The following RFX4 variants were observed in gnomAD, a reference collection of about 807,000 sequenced individuals.
The protein encoded by RFX4 is regulatory factor X4, also known as transcription factor RFX4.
A neutral mutation model predicts 95.0 loss-of-function variants in RFX4; 10 were observed. The observed-to-expected ratio is 0.11, with a 90% confidence interval of 0.06 to 0.18. The LOEUF is 0.18. Ranked by LOEUF, RFX4 falls within the 10% of genes least tolerant of loss-of-function variation. The pLI is 1.00. For missense variants in RFX4, 640 were observed against 922.0 expected, an observed-to-expected ratio of 0.69 and a Z score of 3.96; for synonymous variants, 321 against 340.7, an observed-to-expected ratio of 0.94 and a Z score of 0.64.
chr12:106,753,314 G>A (rs755189899), intron 17 of RFX4, among the ~76,000 whole-genome samples: 26 of 152,116 alleles, frequency 1.7e-4, no homozygotes, highest in Non-Finnish European at 3.2e-4. Flanking sequence ...CAGTCTCTTC[G>A]GCTGGGCATT....
chr12:106,602,957 CAAAA>C (rs1420606762), intron 1 of RFX4, among the ~76,000 whole-genome samples: 2 of 152,014 alleles, frequency 1.3e-5, no homozygotes, highest in Non-Finnish European at 2.9e-5. Context: ...ATGGAATAAA[CAAAA>C]AAACCCAAGA....
chr12:106,630,116 C>T lies in RFX4; in HGVS notation c.131-9216C>T, dbSNP rs561352941. Among the ~76,000 whole-genome samples the T allele has an allele frequency of 2.0e-5, 3 of 152,040 alleles. No individual in the cohort carries two copies. The East Asian group carries it at 5.8e-4, about 29-fold the overall frequency. On this transcript the variant is annotated intron_variant, in intron 2 of 17. Transcript: ENST00000392842. ...TGCATGCCTATTTTTTCTTTTGGTTCTTGGTCTTTTTCCTGCTATTTTTTT... is the reference window on the plus strand; with the variant it reads ...TGCATGCCTATTTTTTCTTTTGGTTTTTGGTCTTTTTCCTGCTATTTTTTT...
At chr12:106,611,544 T>C (rs1295878765) in intron 2 of RFX4, among the ~76,000 whole-genome samples, 2 of 151,460 alleles carry the variant, frequency 1.3e-5, no homozygotes, top group African/African-American at 4.9e-5. Flanking sequence ...AGAGTCTCAC[T>C]CTGTTGCCCA....
intron 13 of RFX4, among the ~76,000 whole-genome samples, chr12:106,725,532 C>T (rs960508546): frequency 6.6e-6 from 1 of 151,200 alleles, no homozygotes; most frequent in Admixed American, 6.6e-5. Context: ...TTAAAGCATG[C>T]TAATGTCTTT....
At chr12:106,595,338 G>T (rs1036402403) in intron 1 of RFX4, among the ~76,000 whole-genome samples, 1 of 152,168 alleles carries the variant, frequency 6.6e-6, no homozygotes, top group African/African-American at 2.4e-5. Flanking sequence ...CTCCTCTACT[G>T]CATAAAGTTC....
chr12:106,650,530 C>T (rs974786399), intron 3 of RFX4, among the ~76,000 whole-genome samples: 47 of 152,056 alleles, frequency 3.1e-4, no homozygotes, highest in African/African-American at 1.1e-3. Context: ...GTCAGGAGTT[C>T]GAGACCAGCC....
At chr12:106,654,190 T>G (rs1403831086) in intron 3 of RFX4, 38 bp from the exon 4 acceptor site, 26 of 1,613,196 alleles carry the variant, frequency 1.6e-5, no homozygotes, top group Non-Finnish European at 2.2e-5. Flanking sequence ...TTGGGGAAGG[T>G]AACACATTTT....
intron 2 of RFX4, among the ~76,000 whole-genome samples, chr12:106,624,964 G>A (rs976585862): frequency 1.3e-5 from 2 of 152,202 alleles, no homozygotes; most frequent in East Asian, 3.8e-4. Context: ...CCCACTGAGA[G>A]GACTGCTTTT....
At chr12:106,651,639 T>A (rs549499054) in intron 3 of RFX4, among the ~76,000 whole-genome samples, 3 of 152,252 alleles carry the variant, frequency 2.0e-5, no homozygotes, top group South Asian at 4.1e-4. Flanking sequence ...AGGACATAGA[T>A]CATGTCTTAT....
intron 6 of RFX4, 85 bp downstream of exon 6, chr12:106,687,182 T>TCA (rs56006444): frequency 0.012 from 6,741 of 545,894 alleles, 32 homozygotes; most frequent in Non-Finnish European, 0.015. Context: ...TCTCTCTCTC[T>TCA]CACACACACA....
chr12:106,749,218 T>C (rs1463939629), intron 16 of RFX4, among the ~76,000 whole-genome samples: 1 of 145,262 alleles, frequency 6.9e-6, no homozygotes, highest in Non-Finnish European at 1.5e-5. Flanking sequence ...ATCGCGCCAC[T>C]GCATTCCAGC....
intron 8 of RFX4, among the ~76,000 whole-genome samples, chr12:106,700,046 G>GA (rs914277618): frequency 1.6e-4 from 24 of 151,850 alleles, no homozygotes; most frequent in African/African-American, 5.3e-4. Context: ...CCCCCTCTGA[G>GA]ACAGGGTCTT....
chr12:106,726,275 A>G (rs929785637), intron 13 of RFX4, among the ~76,000 whole-genome samples: 14 of 151,746 alleles, frequency 9.2e-5, no homozygotes, highest in Non-Finnish European at 2.1e-4. Context: ...AAAAGGAAAA[A>G]AAAAAGAAGA....
intron 17 of RFX4, among the ~76,000 whole-genome samples, chr12:106,760,268 T>G (rs374314976): frequency 1.3e-5 from 2 of 152,222 alleles, no homozygotes; most frequent in Non-Finnish European, 2.9e-5. Flanking sequence ...GCCTGCAGAC[T>G]GGGAGCTTTC....
rs137871919 is a variant in RFX4 at position 106,729,099 on chromosome 12, T to C, written c.1352-3031T>C. Among the ~76,000 whole-genome samples, 41 of 152,346 alleles carry C rather than the reference T, an allele frequency of 2.7e-4. 1 individual carries two copies. Among genetic ancestry groups the C allele is most frequent in the African/African-American group, 9.4e-4 (39 of 41,586 alleles). On this transcript the variant is annotated intron_variant, in intron 13 of 17. Transcript: ENST00000392842. ...TTCACCTCATCAGATCTTTGTTTCC[T>C]TGTCTTATAAAACAAGAGAATGGTA...
chr12:106,621,020 A>G (rs1266317796), intron 2 of RFX4, among the ~76,000 whole-genome samples: 2 of 152,088 alleles, frequency 1.3e-5, no homozygotes, highest in Non-Finnish European at 2.9e-5. Flanking sequence ...CTTGTTCCCT[A>G]AAAATCACCG....
intron 1 of RFX4, among the ~76,000 whole-genome samples, chr12:106,585,066 CA>C: frequency 6.6e-6 from 1 of 152,348 alleles, no homozygotes; most frequent in South Asian, 2.1e-4. Context: ...AGAACCCTAA[CA>C]TTAAAAATGA....
chr12:106,738,082 C>T (rs2137580594), intron 15 of RFX4, among the ~76,000 whole-genome samples: 1 of 152,220 alleles, frequency 6.6e-6, no homozygotes, highest in Middle Eastern at 3.4e-3. Flanking sequence ...AGGAGTTCTT[C>T]AAAGATTGGG....
chr12:106,670,695 G>A (rs1265938735), intron 4 of RFX4, among the ~76,000 whole-genome samples: 1 of 152,114 alleles, frequency 6.6e-6, no homozygotes, highest in African/African-American at 2.4e-5. Context: ...CATAAAAATT[G>A]TTGAGTAGGT....
Sources: gnomAD v4.1 joint callset for allele counts (sites outside exome capture counted in the v4.1 genomes callset) on GRCh38, gnomAD v4.1.1 for gene constraint, MANE v1.5 for transcripts, NCBI Gene and HGNC (gene_info 2026-07-23, HGNC 2026-07-21) for gene names.